The following CUBN variants were observed in gnomAD, a reference collection of about 807,000 sequenced individuals.
CUBN encodes 460 kDa receptor.
In CUBN, 282 loss-of-function variants were observed where a neutral mutation model predicts 405.3. That is an observed-to-expected ratio of 0.70 (90% confidence interval 0.63 to 0.77). The LOEUF (loss-of-function observed/expected upper bound fraction) is 0.77, where lower values mean the gene tolerates loss of function less well. Among genes scored for constraint, CUBN ranks in the 30% least tolerant of loss-of-function variants. The probability of loss-of-function intolerance (pLI) is 0.00; values close to 1 mark genes in which losing one functional copy is unlikely to be tolerated. For missense variants in CUBN, 4,514 were observed against 4,475.2 expected (o/e 1.01, Z -0.25); for synonymous variants, 1,684 against 1,617.0 (o/e 1.04, Z -0.99).
intron 51 of CUBN, among the ~76,000 whole-genome samples, chr10:16,901,949 ATATATATATACACCATATATAGTGTG>A (rs1303926122): frequency 7.0e-6 from 1 of 142,322 alleles, no homozygotes; most frequent in Admixed American, 7.3e-5. Flanking sequence ...TATATAGTAT[ATATATATATACACCATATATAGTGTG>A]TATATATATA....
intron 63 of CUBN, among the ~76,000 whole-genome samples, chr10:16,835,612 C>CTTT (rs55897455): frequency 0.13 from 18,947 of 146,206 alleles, 2,917 homozygotes; most frequent in African/African-American, 0.35. Context: ...CGTTATTTAC[C>CTTT]TTTTTTTTTT....
intron 31 of CUBN, chr10:16,965,648 C>T (rs1843372428): frequency 6.6e-6 from 1 of 150,544 alleles, no homozygotes; most frequent in South Asian, 2.1e-4. Context: ...TTTTTTTCTA[C>T]TGGATTTTTT....
intron 31 of CUBN, among the ~76,000 whole-genome samples, chr10:16,977,703 G>C (rs952300299): frequency 1.3e-5 from 2 of 152,210 alleles, no homozygotes; most frequent in African/African-American, 4.8e-5. Flanking sequence ...AGAGCTAAAA[G>C]AGCACTGTAG....
At chr10:16,993,222 C>A (rs1205534371) in intron 28 of CUBN, among the ~76,000 whole-genome samples, 1 of 152,154 alleles carries the variant, frequency 6.6e-6, no homozygotes, top group Non-Finnish European at 1.5e-5. Context: ...AGGAAAATAA[C>A]TTTATGGCCA....
intron 17 of CUBN, among the ~76,000 whole-genome samples, chr10:17,080,396 T>C (rs1468667202): frequency 6.6e-6 from 1 of 152,198 alleles, no homozygotes; most frequent in Non-Finnish European, 1.5e-5. Flanking sequence ...ATTTCAGAAA[T>C]AAAATTCAAT....
rs191822054 is a variant in CUBN at position 16,854,709 on chromosome 10, A to G, written c.9455-3266T>C. ...ACTACTTGTTTATTAACTGTTACTA[A>G]TAAGTTCATAAGGGCAAGATGGCAA... On this transcript the variant is annotated intron_variant, in intron 59 of 66. Coordinates refer to ENST00000377833, the MANE Select transcript of CUBN (RefSeq NM_001081.4). Among the ~76,000 whole-genome samples the G allele has an allele frequency of 5.3e-3, 810 of 152,308 alleles. 4 individuals are homozygous for G. Among genetic ancestry groups the G allele is most frequent in the Non-Finnish European group, 8.4e-3 (569 of 68,022 alleles).
chr10:16,882,713 A>G lies in CUBN; in HGVS notation c.8906-5616T>C, dbSNP rs550433915. ...TAGATAAGATCAAGTATTTTCAGGA[A>G]ATAGAAATGGGTTCTAGGGGCCAGG... On this transcript the variant is annotated intron_variant, in intron 56 of 66. Transcript: ENST00000377833. Among the ~76,000 whole-genome samples the G allele has an allele frequency of 2.0e-5, 3 of 152,292 alleles. No individual in the cohort carries two copies. In the South Asian group the frequency reaches 6.2e-4, roughly 32 times the overall value.
In CUBN at chr10:16,990,251, A is replaced by G. The variant is rs144024897; in HGVS notation, c.4350+83T>C. 343 of 1,308,694 alleles carry G rather than the reference A, an allele frequency of 2.6e-4. No individual in the cohort carries two copies. In the African/African-American group the frequency reaches 4.5e-3, roughly 17 times the overall value. 81.1% of individuals were successfully genotyped at this position (1,308,694 alleles called of 1,614,324 possible). A position where few individuals can be genotyped will look rare whatever the true frequency, so the allele number is the denominator to read the frequency against. On this transcript the variant is annotated intron_variant, in intron 29 of 66. Coordinates refer to ENST00000377833, the MANE Select transcript of CUBN (RefSeq NM_001081.4). The stretch of plus-strand genomic sequence containing the variant: ...AGAATAGAACACTGCTGACTACTGG[A>G]AAGAATTCGGAATCTTGGCAGAGTG...
intron 48 of CUBN, among the ~76,000 whole-genome samples, chr10:16,909,504 G>C (rs1458968001): frequency 1.3e-5 from 2 of 152,124 alleles, no homozygotes; most frequent in Non-Finnish European, 2.9e-5. Flanking sequence ...AAACAGATGA[G>C]GAAAAATATT....
chr10:16,961,595 C>A (rs1443379157), intron 31 of CUBN, among the ~76,000 whole-genome samples: 1 of 151,058 alleles, frequency 6.6e-6, no homozygotes, highest in African/African-American at 2.4e-5. Context: ...GCAAAGGGAA[C>A]TTTTTAATTC....
At chr10:16,948,673 A>G (rs1842847825) in intron 34 of CUBN, 67 bp from the exon 35 acceptor site, 2 of 1,592,168 alleles carry the variant, frequency 1.3e-6, no homozygotes, top group Admixed American at 3.5e-5. Flanking sequence ...TTTCTAGGAA[A>G]CACATCTTTA....
At chr10:16,834,384 T>G (rs1296828367) in intron 64 of CUBN, among the ~76,000 whole-genome samples, 1 of 151,456 alleles carries the variant, frequency 6.6e-6, no homozygotes, top group East Asian at 1.9e-4. Flanking sequence ...TCTCTCAGTG[T>G]GTCCTGGGGT....
At chr10:17,062,420 A>T (rs1242397965) in intron 22 of CUBN, among the ~76,000 whole-genome samples, 1 of 152,356 alleles carries the variant, frequency 6.6e-6, no homozygotes, top group East Asian at 1.9e-4. Flanking sequence ...TGATAACATT[A>T]GTCAATTATA....
chr10:16,897,095 T>G (rs540273002), intron 54 of CUBN, among the ~76,000 whole-genome samples: 7 of 152,362 alleles, frequency 4.6e-5, no homozygotes, highest in African/African-American at 1.7e-4. Flanking sequence ...AGCATGTTAA[T>G]GGAAACTACT....
chr10:16,914,134 T>G, intron 47 of CUBN, 142 bp from the exon 48 acceptor site: 1 of 894,128 alleles, frequency 1.1e-6, no homozygotes, highest in Non-Finnish European at 1.8e-6. Context: ...GCATGAGGAT[T>G]TTAGTGAACA....
chr10:16,954,929 G>A (rs1843010388), intron 31 of CUBN, among the ~76,000 whole-genome samples: 1 of 152,176 alleles, frequency 6.6e-6, no homozygotes, highest in African/African-American at 2.4e-5. Context: ...AATGATGAGT[G>A]ATGAGCATTT....
intron 51 of CUBN, among the ~76,000 whole-genome samples, chr10:16,902,089 GTA>G (rs553158206): frequency 2.6e-5 from 3 of 115,638 alleles, no homozygotes; most frequent in South Asian, 2.7e-4. Flanking sequence ...ACCATATATA[GTA>G]TATATATATA....
At chr10:17,068,921 ACT>A (rs1387198504) in intron 19 of CUBN, 151 bp from the exon 20 acceptor site, 3 of 678,978 alleles carry the variant, frequency 4.4e-6, no homozygotes, top group Non-Finnish European at 7.7e-6. Flanking sequence ...CCCAAAAAAC[ACT>A]CATATCCTTT....
intron 22 of CUBN, among the ~76,000 whole-genome samples, chr10:17,048,048 C>G (rs1340944684): frequency 6.6e-6 from 1 of 152,208 alleles, no homozygotes; most frequent in African/African-American, 2.4e-5. Flanking sequence ...AATAAGGGCC[C>G]AGGCTCAAGG....
Sources: allele counts gnomAD v4.1 joint callset (sites outside exome capture counted in the v4.1 genomes callset), GRCh38; gene constraint gnomAD v4.1.1; transcripts MANE v1.5; gene names NCBI Gene and HGNC (gene_info 2026-07-23, HGNC 2026-07-21).